The following REDIC1 variants were observed in gnomAD, a reference collection of about 807,000 sequenced individuals.
REDIC1 encodes the protein regulator of DNA class I crossover intermediates 1, also known as HEI10 Interacting Protein 1.
chr12:39,752,085 A>G, the REDIC1 span, among the ~76,000 whole-genome samples: 1 of 152,210 alleles, frequency 6.6e-6, no homozygotes, highest in Non-Finnish European at 1.5e-5. Flanking sequence ...ACTATATGCC[A>G]GGCACTGTAG....
chr12:39,709,691 A>G, the REDIC1 span, among the ~76,000 whole-genome samples: 8 of 151,682 alleles, frequency 5.3e-5, no homozygotes, highest in African/African-American at 1.2e-4. Context: ...TTCGTTGCTG[A>G]ATAGTATTCA....
the REDIC1 span, among the ~76,000 whole-genome samples, chr12:39,747,992 A>G: frequency 1.3e-5 from 2 of 152,230 alleles, no homozygotes; most frequent in African/African-American, 4.8e-5. Context: ...TGTAAAGACC[A>G]TTGAGGCTAG....
At chr12:39,672,593 C>T in the REDIC1 span, among the ~76,000 whole-genome samples, 18 of 152,192 alleles carry the variant, frequency 1.2e-4, no homozygotes, top group South Asian at 4.2e-4. Flanking sequence ...AGTCCCAGGC[C>T]GGCAGGCTTC....
At chr12:39,695,467 C>T in the REDIC1 span, among the ~76,000 whole-genome samples, 1 of 152,152 alleles carries the variant, frequency 6.6e-6, no homozygotes, top group Admixed American at 6.5e-5. Context: ...GCTGGCAGTA[C>T]TCCCTGTAGG....
At chr12:39,712,408 A>C in the REDIC1 span, among the ~76,000 whole-genome samples, 182 of 134,574 alleles carry the variant, frequency 1.4e-3, 1 homozygote, top group Middle Eastern at 6.8e-3. Flanking sequence ...GTATATATAC[A>C]TACGTATATA....
chr12:39,870,139 A>G, the REDIC1 span, among the ~76,000 whole-genome samples: 2 of 152,218 alleles, frequency 1.3e-5, no homozygotes, highest in Non-Finnish European at 2.9e-5. Flanking sequence ...ATGTTTAGTC[A>G]GTTTTCCCCA....
the REDIC1 span, among the ~76,000 whole-genome samples, chr12:39,825,174 G>A: frequency 6.6e-6 from 1 of 152,132 alleles, no homozygotes; most frequent in East Asian, 1.9e-4. Flanking sequence ...TACTGAATCA[G>A]CGCATTAAGA....
chr12:39,736,035 T>G, the REDIC1 span, among the ~76,000 whole-genome samples: 224 of 152,316 alleles, frequency 1.5e-3, 1 homozygote, highest in African/African-American at 4.6e-3. Context: ...GAAGTAATAC[T>G]GGTAGGAAGC....
At chr12:39,644,435 G>A in the REDIC1 span, among the ~76,000 whole-genome samples, 2 of 151,690 alleles carry the variant, frequency 1.3e-5, no homozygotes, top group South Asian at 2.1e-4. Context: ...GATACTTCAA[G>A]TAAATAAAAA....
At chr12:39,684,336 A>G in the REDIC1 span, 3 of 847,226 alleles carry the variant, frequency 3.5e-6, no homozygotes, top group Non-Finnish European at 4.3e-6. Context: ...CTTTCTTGGT[A>G]ATAATTACAA....
the REDIC1 span, among the ~76,000 whole-genome samples, chr12:39,782,415 T>C: frequency 2.0e-5 from 3 of 152,198 alleles, no homozygotes; most frequent in East Asian, 5.8e-4. Flanking sequence ...TTGTCAGGGG[T>C]TTCTCCTTTT....
chr12:39,764,557 T>G, the REDIC1 span: 2 of 1,611,452 alleles, frequency 1.2e-6, no homozygotes, highest in South Asian at 2.2e-5. Flanking sequence ...TTCCTGTACT[T>G]CTTGCCCAAA....
At chr12:39,820,637 T>G in the REDIC1 span, among the ~76,000 whole-genome samples, 2 of 151,314 alleles carry the variant, frequency 1.3e-5, no homozygotes, top group East Asian at 3.9e-4. Context: ...AAAAACCTCC[T>G]GAGATTATTT....
chr12:39,626,375 G>T, the REDIC1 span: 1 of 1,614,084 alleles, frequency 6.2e-7, no homozygotes, highest in Non-Finnish European at 8.5e-7. Context: ...TTGTGCAGCT[G>T]GAGTTTGAGG....
the REDIC1 span, among the ~76,000 whole-genome samples, chr12:39,896,377 T>TATGTATGTATATGTGTATATATGTATAC: frequency 6.5e-4 from 87 of 133,016 alleles, 1 homozygote; most frequent in East Asian, 2.8e-3. Context: ...TGTATACATA[T>TATGTATGTATATGTGTATATATGTATAC]ATGTATGTAT....
the REDIC1 span, among the ~76,000 whole-genome samples, chr12:39,707,969 C>T: frequency 6.6e-6 from 1 of 151,478 alleles, no homozygotes; most frequent in Admixed American, 6.6e-5. Flanking sequence ...CAATTGAACT[C>T]ATGGAAATAA....
At chr12:39,628,908 A>G in the REDIC1 span, among the ~76,000 whole-genome samples, 1 of 152,184 alleles carries the variant, frequency 6.6e-6, no homozygotes, top group Non-Finnish European at 1.5e-5. Flanking sequence ...ATTAATGTTA[A>G]GTGACTTGAC....
At chr12:39,889,503 G>A in the REDIC1 span, among the ~76,000 whole-genome samples, 9 of 149,826 alleles carry the variant, frequency 6.0e-5, no homozygotes, top group South Asian at 8.5e-4. Context: ...AGTAGAGGCC[G>A]ACTTTACGCT....
chr12:39,835,191 T>C, the REDIC1 span, among the ~76,000 whole-genome samples: 345 of 152,210 alleles, frequency 2.3e-3, 1 homozygote, highest in African/African-American at 7.5e-3. Flanking sequence ...TTCCACAGTG[T>C]GACCTGGACT....
Sources: allele counts gnomAD v4.1 joint callset (sites outside exome capture counted in the v4.1 genomes callset), GRCh38; gene constraint gnomAD v4.1.1; transcripts MANE v1.5; gene names NCBI Gene and HGNC (gene_info 2026-07-23, HGNC 2026-07-21).